The following SERPINB12 variants were observed in gnomAD, a reference collection of about 807,000 sequenced individuals.
SERPINB12 encodes serpin B12.
A neutral mutation model predicts 41.1 loss-of-function variants in SERPINB12; 57 were observed. The ratio of observed to expected loss-of-function variants is 1.39; its 90% CI spans 1.12 to 1.73. The LOEUF (loss-of-function observed/expected upper bound fraction) is 1.73, where lower values mean the gene tolerates loss of function less well. Ranked by LOEUF, SERPINB12 falls within the 40% of genes most tolerant of loss-of-function variation. SERPINB12 has a pLI of 0.00. For missense variants in SERPINB12, 536 were observed against 501.9 expected (o/e 1.07, Z -0.65); for synonymous variants, 180 against 181.3 (o/e 0.99, Z 0.06).
chr18:63,541,419 G>A (rs1910270647), upstream of SERPINB12, among the ~76,000 whole-genome samples: 1 of 152,132 alleles, frequency 6.6e-6, no homozygotes, highest in Admixed American at 6.6e-5. Context: ...CTGTCCTAAA[G>A]TTACACTTAG....
upstream of SERPINB12, among the ~76,000 whole-genome samples, chr18:63,539,408 C>CA (rs1329156395): frequency 2.0e-5 from 3 of 152,070 alleles, no homozygotes; most frequent in African/African-American, 7.2e-5. Context: ...GCTGAATGAG[C>CA]ACCAGGAGGT....
the SERPINB12 span, among the ~76,000 whole-genome samples, chr18:63,520,501 T>C: frequency 1.7e-3 from 255 of 152,210 alleles, no homozygotes; most frequent in Non-Finnish European, 3.2e-3. Flanking sequence ...CCCCAGGAGA[T>C]TGTCCTTCAT....
intron 1 of SERPINB12, among the ~76,000 whole-genome samples, chr18:63,549,457 T>A (rs1449669476): frequency 6.6e-6 from 1 of 152,174 alleles, no homozygotes; most frequent in Non-Finnish European, 1.5e-5. Flanking sequence ...GAACTGCTTA[T>A]CTTCTCTTTC....
In SERPINB12 at chr18:63,566,739, GAC is replaced by G. The variant is rs1911113815; in HGVS notation, c.1008_1009del (p.Met337GlyfsTer7). 6.2e-7 allele frequency: 1 copy of G among 1,614,138 alleles called. No homozygotes were observed. The highest frequency in any genetic ancestry group is 1.1e-5 in the South Asian group (1 of 91,068). ...DSYDLNSILQ[D>X]MGITDIFDET... is the part of the protein sequence containing the mutation. Reference sequence around the variant, plus strand: ...CTATGATCTCAATTCCATTTTACAAGACATGGGCATTACGGATATCTTTGATG... The same window carrying G: ...CTATGATCTCAATTCCATTTTACAAGATGGGCATTACGGATATCTTTGATG... On this transcript the variant is annotated frameshift_variant, in exon 8 of 8. Transcript: ENST00000382768. LOFTEE classifies it high-confidence loss of function.
chr18:63,558,367 G>A lies in SERPINB12; in HGVS notation c.184G>A (p.Glu62Lys), dbSNP rs745631830. Residue 62 changes from glutamate (E) to lysine (K), a missense_variant, in exon 3 of 8, where the codon GAA becomes AAA. Physicochemically the swap from Glu to Lys is moderately conservative, Grantham distance 56. Coordinates refer to ENST00000382768, the MANE Select transcript of SERPINB12 (RefSeq NM_001307928.2). ...HQIDEVLHFN[E>K]FSQNESKEPD... is the part of the protein sequence containing the mutation. ...TATCATGCAGGTACTACACTTCAAC[G>A]AATTTTCCCAGAATGAAAGCAAAGA... 3.9e-5 allele frequency: 63 copies of A among 1,613,070 alleles called. No homozygotes were observed. Among genetic ancestry groups the A allele is most frequent in the East Asian group, 1.6e-4 (7 of 44,846 alleles).
At chr18:63,531,995 A>G in the SERPINB12 span, among the ~76,000 whole-genome samples, 1 of 152,210 alleles carries the variant, frequency 6.6e-6, no homozygotes, top group Non-Finnish European at 1.5e-5. Flanking sequence ...AGTTATTTCC[A>G]AGATCTTGGG....
chr18:63,565,390 T>G, intron 6 of SERPINB12, 55 bp from the exon 7 acceptor site: 1 of 1,525,340 alleles, frequency 6.6e-7, no homozygotes, highest in Non-Finnish European at 8.9e-7. Flanking sequence ...TGGGGCCATA[T>G]GAATTTGGGA....
chr18:63,553,835 T>A (rs757934471), intron 1 of SERPINB12, among the ~76,000 whole-genome samples: 1 of 152,272 alleles, frequency 6.6e-6, no homozygotes, highest in Non-Finnish European at 1.5e-5. Flanking sequence ...ATGTGAGCTA[T>A]GTGTAGAGAA....
At chr18:63,537,172 T>C in the SERPINB12 span, among the ~76,000 whole-genome samples, 1 of 152,196 alleles carries the variant, frequency 6.6e-6, no homozygotes, top group South Asian at 2.1e-4. Flanking sequence ...ATCTACATCA[T>C]GGACTGATTG....
At chr18:63,559,860 G>A (rs1388935693) in intron 4 of SERPINB12, 142 bp downstream of exon 4, 2 of 768,092 alleles carry the variant, frequency 2.6e-6, no homozygotes, top group East Asian at 2.7e-5. Context: ...AGGTGTCCAG[G>A]ACCTCCCTCT....
chr18:63,553,520 C>T (rs917596983), intron 1 of SERPINB12, among the ~76,000 whole-genome samples: 2 of 152,070 alleles, frequency 1.3e-5, no homozygotes, highest in Non-Finnish European at 2.9e-5. Flanking sequence ...ATTTGAAGAG[C>T]CAGGTTGGGA....
the SERPINB12 span, among the ~76,000 whole-genome samples, chr18:63,525,043 C>T: frequency 6.6e-6 from 1 of 152,196 alleles, no homozygotes; most frequent in Non-Finnish European, 1.5e-5. Context: ...GCTACTGTGC[C>T]TGGCCCCCTT....
At chr18:63,562,018 T>TA (rs986190079) in intron 5 of SERPINB12, among the ~76,000 whole-genome samples, 264 of 150,786 alleles carry the variant, frequency 1.8e-3, no homozygotes, top group African/African-American at 5.7e-3. Context: ...AGCTGAAATT[T>TA]AAAAAAAAAC....
At chr18:63,539,723 G>A (rs148866744), upstream of SERPINB12, among the ~76,000 whole-genome samples, 1,390 of 152,216 alleles carry the variant, frequency 9.1e-3, 26 homozygotes, top group African/African-American at 0.031. Flanking sequence ...AGCACACTGG[G>A]AGGTATGATA....
the SERPINB12 span, among the ~76,000 whole-genome samples, chr18:63,534,193 C>A: frequency 1.3e-5 from 2 of 152,240 alleles, no homozygotes; most frequent in Admixed American, 6.5e-5. Flanking sequence ...GCTTCACTGA[C>A]AGTCTTAGAA....
intron 2 of SERPINB12, among the ~76,000 whole-genome samples, chr18:63,557,887 A>C (rs1432148130): frequency 1.3e-5 from 2 of 152,262 alleles, no homozygotes; most frequent in Admixed American, 6.5e-5. Context: ...GTATTGCAAA[A>C]GTAAAAAGAA....
At chr18:63,555,657 G>A (rs1910648601) in intron 1 of SERPINB12, among the ~76,000 whole-genome samples, 1 of 152,082 alleles carries the variant, frequency 6.6e-6, no homozygotes, top group South Asian at 2.1e-4. Context: ...AGGGAAATTT[G>A]GATACATACA....
At position 63,567,650 on chromosome 18, in the gene SERPINB12, G is replaced by A. The variant is rs1367181808; in HGVS notation, c.*639G>A. Among the ~76,000 whole-genome samples the A allele has an allele frequency of 6.6e-6, 1 of 152,186 alleles. No homozygotes were observed. The highest frequency in any genetic ancestry group is 6.5e-5 in the Admixed American group (1 of 15,284). On this transcript the variant is annotated 3_prime_UTR_variant, in exon 8 of 8. Transcript: ENST00000382768. ...ACCAGCACTCATTTTGCACAGAGCA[G>A]GGGAATGATATTTGTCTTGTGATTT...
intron 5 of SERPINB12, among the ~76,000 whole-genome samples, chr18:63,562,665 A>G (rs956246856): frequency 1.3e-5 from 2 of 152,172 alleles, no homozygotes; most frequent in African/African-American, 4.8e-5. Flanking sequence ...CATAAAAATG[A>G]CCATTCTTTC....
Sources: gnomAD v4.1 joint callset for allele counts (sites outside exome capture counted in the v4.1 genomes callset) on GRCh38, gnomAD v4.1.1 for gene constraint, MANE v1.5 for transcripts, NCBI Gene and HGNC (gene_info 2026-07-23, HGNC 2026-07-21) for gene names.